ANGPT1: variants seen among roughly 807,000 people sequenced by gnomAD.
The protein encoded by ANGPT1 is angiopoietin 1.
Under a neutral mutation model 62.2 loss-of-function variants are expected in ANGPT1, and 17 were observed. That is an observed-to-expected ratio of 0.27 (90% CI 0.19 to 0.41). ANGPT1 has a LOEUF of 0.41. Among genes scored for constraint, ANGPT1 ranks in the 10% least tolerant of loss-of-function variants. The pLI, the probability that ANGPT1 is intolerant of heterozygous loss-of-function variation, is 1.00. For synonymous variants in ANGPT1, 199 were observed against 198.9 expected (o/e 1.00, Z 0.00); for missense variants, 478 against 594.9 (o/e 0.80, Z 2.04).
chr8:107,297,152 C>A (rs1199368342), intron 5 of ANGPT1, among the ~76,000 whole-genome samples: 1 of 151,904 alleles, frequency 6.6e-6, no homozygotes. Flanking sequence ...ATATAAATTA[C>A]CCAGGCAGAT....
At chr8:107,474,419 T>C (rs1309051997) in intron 1 of ANGPT1, among the ~76,000 whole-genome samples, 1 of 152,170 alleles carries the variant, frequency 6.6e-6, no homozygotes, top group African/African-American at 2.4e-5. Context: ...AAATTAGGTA[T>C]TGATGGGACA....
intron 1 of ANGPT1, among the ~76,000 whole-genome samples, chr8:107,411,073 C>A (rs1395086530): frequency 1.3e-5 from 2 of 152,094 alleles, no homozygotes; most frequent in African/African-American, 2.4e-5. Context: ...CTTTGATTGA[C>A]CTTTTTAACA....
At chr8:107,490,992 T>C (rs1812939624) in intron 1 of ANGPT1, among the ~76,000 whole-genome samples, 1 of 152,184 alleles carries the variant, frequency 6.6e-6, no homozygotes, top group Admixed American at 6.5e-5. Context: ...AAAGGTAATA[T>C]GTAAAATATA....
intron 1 of ANGPT1, among the ~76,000 whole-genome samples, chr8:107,447,540 C>T (rs1377341291): frequency 6.6e-6 from 1 of 152,194 alleles, no homozygotes; most frequent in African/African-American, 2.4e-5. Context: ...TGCCTTAGAC[C>T]ACTCCTCCTT....
chr8:107,367,544 GCTCTCTGTCT>G (rs1463202421), intron 1 of ANGPT1, among the ~76,000 whole-genome samples: 1 of 151,876 alleles, frequency 6.6e-6, no homozygotes, highest in African/African-American at 2.4e-5. Context: ...TCTAAAGCAT[GCTCTCTGTCT>G]CTCTCTGTCT....
intron 3 of ANGPT1, among the ~76,000 whole-genome samples, chr8:107,324,376 A>G (rs1265551090): frequency 6.6e-6 from 1 of 151,904 alleles, no homozygotes; most frequent in African/African-American, 2.4e-5. Context: ...ATAAAAAGGG[A>G]AAATGTTGAG....
At chr8:107,425,692 TC>T (rs1476360713) in intron 1 of ANGPT1, among the ~76,000 whole-genome samples, 4 of 152,186 alleles carry the variant, frequency 2.6e-5, no homozygotes, top group African/African-American at 9.6e-5. Flanking sequence ...AAGTTTCTTC[TC>T]TTTTGGATCT....
chr8:107,264,971 T>C (rs1813579646), intron 7 of ANGPT1, among the ~76,000 whole-genome samples: 1 of 152,170 alleles, frequency 6.6e-6, no homozygotes, highest in African/African-American at 2.4e-5. Flanking sequence ...GAGCACAAAC[T>C]ACATACCAGT....
chr8:107,252,670 C>T (rs1813273133), intron 8 of ANGPT1, among the ~76,000 whole-genome samples: 1 of 152,078 alleles, frequency 6.6e-6, no homozygotes, highest in Non-Finnish European at 1.5e-5. Flanking sequence ...CATATTTTGT[C>T]TATGGTTATT....
chr8:107,351,030 G>T (rs374786333), intron 1 of ANGPT1, among the ~76,000 whole-genome samples: 1 of 152,010 alleles, frequency 6.6e-6, no homozygotes. Flanking sequence ...CCACCTCAAG[G>T]TTCAATATTT....
chr8:107,313,389 A>C (rs1439974450), intron 4 of ANGPT1, among the ~76,000 whole-genome samples: 1 of 145,488 alleles, frequency 6.9e-6, no homozygotes, highest in Non-Finnish European at 1.5e-5. Context: ...GTTGATAATA[A>C]ATTATGAGTT....
At chr8:107,350,472 G>A (rs2130170866) in intron 1 of ANGPT1, among the ~76,000 whole-genome samples, 1 of 152,226 alleles carries the variant, frequency 6.6e-6, no homozygotes. Flanking sequence ...CTACATCAAG[G>A]TTCAGTGTCT....
chr8:107,370,372 G>GAAAAAAAGAAAGAAAGAAAGAAAA, intron 1 of ANGPT1, among the ~76,000 whole-genome samples: 1 of 34,996 alleles, frequency 2.9e-5, no homozygotes, highest in Non-Finnish European at 1.0e-4. Flanking sequence ...AAGAAAGAAA[G>GAAAAAAAGAAAGAAAGAAAGAAAA]AAAGAAAGAA....
chr8:107,423,456 G>A (rs1810947237), intron 1 of ANGPT1, among the ~76,000 whole-genome samples: 2 of 152,114 alleles, frequency 1.3e-5, no homozygotes, highest in South Asian at 4.2e-4. Flanking sequence ...CAAAGACCTG[G>A]GCCCCCGAAA....
chr8:107,363,837 C>T (rs1035553455), intron 1 of ANGPT1, among the ~76,000 whole-genome samples: 1 of 152,100 alleles, frequency 6.6e-6, no homozygotes, highest in African/African-American at 2.4e-5. Flanking sequence ...ATGAACAAGC[C>T]ACTTAACTAC....
intron 8 of ANGPT1, among the ~76,000 whole-genome samples, chr8:107,255,580 T>C (rs192778922): frequency 6.6e-6 from 1 of 152,290 alleles, no homozygotes; most frequent in East Asian, 1.9e-4. Flanking sequence ...GAATCGTTCA[T>C]ATGAAGGTAT....
intron 1 of ANGPT1, among the ~76,000 whole-genome samples, chr8:107,476,175 A>AGAACCAACCCAAATGCCCATCAAT (rs1218580133): frequency 2.0e-5 from 3 of 152,168 alleles, no homozygotes; most frequent in African/African-American, 4.8e-5. Context: ...GCAAAGACTT[A>AGAACCAACCCAAATGCCCATCAAT]GAACCAACCC....
chr8:107,430,666 T>C (rs1253416480), intron 1 of ANGPT1, among the ~76,000 whole-genome samples: 1 of 152,176 alleles, frequency 6.6e-6, no homozygotes, highest in Non-Finnish European at 1.5e-5. Flanking sequence ...AAAGATGTGA[T>C]GGTGGAAGCA....
intron 2 of ANGPT1, among the ~76,000 whole-genome samples, chr8:107,342,197 A>T (rs1223646040): frequency 6.6e-6 from 1 of 152,198 alleles, no homozygotes; most frequent in Non-Finnish European, 1.5e-5. Context: ...TACCTATTAC[A>T]ATCAACACAC....
Sources: gnomAD v4.1 joint callset for allele counts (sites outside exome capture counted in the v4.1 genomes callset) on GRCh38, gnomAD v4.1.1 for gene constraint, MANE v1.5 for transcripts, NCBI Gene and HGNC (gene_info 2026-07-23, HGNC 2026-07-21) for gene names.